Variants in OSBPL11 observed in about 807,000 individuals in gnomAD.
OSBPL11 encodes oxysterol-binding protein-related protein 11.
Under a neutral mutation model 84.4 loss-of-function variants are expected in OSBPL11, and 33 were observed. The observed-to-expected ratio is 0.39, with a 90% CI of 0.30 to 0.52. The LOEUF (loss-of-function observed/expected upper bound fraction) is 0.52. Ranked by LOEUF, OSBPL11 falls within the 20% of genes least tolerant of loss-of-function variation. The pLI, the probability that OSBPL11 is intolerant of heterozygous loss-of-function variation, is 0.72. For missense variants in OSBPL11, 736 were observed against 901.1 expected (o/e 0.82, Z 2.35); for synonymous variants, 276 against 310.2 (o/e 0.89, Z 1.16).
chr3:125,544,445 T>A (rs1935781262), intron 10 of OSBPL11, among the ~76,000 whole-genome samples: 1 of 152,186 alleles, frequency 6.6e-6, no homozygotes, highest in African/African-American at 2.4e-5. Flanking sequence ...CAAAGTTAAA[T>A]ATTCAAAAAT....
At chr3:125,576,079 G>T in intron 5 of OSBPL11, 110 bp downstream of exon 5, 1 of 932,684 alleles carries the variant, frequency 1.1e-6, no homozygotes, top group Non-Finnish European at 1.6e-6. Context: ...TACTAGATAG[G>T]AAACAATGAA....
chr3:125,531,980 C>G lies in OSBPL11; in HGVS notation c.2059G>C (p.Glu687Gln). The change falls in exon 12 of 13, where the codon GAA becomes CAA. Residue 687 changes from glutamate (E) to glutamine (Q), a missense_variant. Glu to Gln is a conservative substitution (Grantham distance 29, BLOSUM62 2). Coordinates refer to ENST00000296220, the MANE Select transcript of OSBPL11 (RefSeq NM_022776.5). ...TCTGTGGCCTTATCAATTTCAGATT[C>G]TCTCAGCGAGTCTGTCACATTTTTC... ...LWKNVTDSLR[E>Q]SEIDKATEHK... 2.5e-6 allele frequency: 4 copies of G among 1,610,634 alleles called. No homozygotes were observed. Among genetic ancestry groups the G allele is most frequent in the Non-Finnish European group, 3.4e-6 (4 of 1,179,218 alleles).
At chr3:125,583,426 C>T (rs1936458226) in intron 1 of OSBPL11, among the ~76,000 whole-genome samples, 1 of 151,142 alleles carries the variant, frequency 6.6e-6, no homozygotes, top group Non-Finnish European at 1.5e-5. Context: ...ACTAAAAATA[C>T]AAAAATTCAT....
intron 10 of OSBPL11, among the ~76,000 whole-genome samples, chr3:125,546,599 G>T (rs1190536433): frequency 6.6e-6 from 1 of 152,106 alleles, no homozygotes; most frequent in African/African-American, 2.4e-5. Flanking sequence ...AATCACATGT[G>T]ACTAAGAAAT....
At position 125,578,197 on chromosome 3, in the gene OSBPL11, A is replaced by T. The variant is rs56902270; in HGVS notation, c.489+763T>A. Reference sequence around the variant, plus strand: ...AAATATTACTCAGTCTTAAAAAAGGAATAAACGAATAAAGTACTGATACAT... The same window carrying T: ...AAATATTACTCAGTCTTAAAAAAGGTATAAACGAATAAAGTACTGATACAT... On this transcript the variant is annotated intron_variant, in intron 4 of 12. Transcript: ENST00000296220. 9.0e-3 allele frequency among the ~76,000 whole-genome samples: 1,366 copies of T among 152,316 alleles called. 14 individuals are homozygous for T. Among genetic ancestry groups the T allele is most frequent in the African/African-American group, 0.031 (1,272 of 41,562 alleles).
rs1936655964 is a variant in OSBPL11, at chr3:125,594,802, T to C, written c.-2A>G. On this transcript the variant is annotated 5_prime_UTR_variant, in exon 1 of 13. Coordinates refer to ENST00000296220, the MANE Select transcript of OSBPL11 (RefSeq NM_022776.5). The stretch of plus-strand genomic sequence containing the variant: ...GGACACTGGTTCACCCCCCTGCATC[T>C]TAACGCCAAAGTCCACTTGCCCTTC... The C allele has an allele frequency of 4.3e-6, 7 of 1,613,158 alleles. No homozygotes were observed. Among genetic ancestry groups the C allele is most frequent in the Non-Finnish European group, 8.5e-7 (1 of 1,179,432 alleles).
chr3:125,530,659 A>G, intron 12 of OSBPL11, 79 bp from the exon 13 acceptor site: 1 of 1,106,274 alleles, frequency 9.0e-7, no homozygotes, highest in Non-Finnish European at 1.4e-6. Context: ...CAACACCTTC[A>G]CTGAAATGGA....
intron 5 of OSBPL11, among the ~76,000 whole-genome samples, chr3:125,575,361 A>G (rs1201208807): frequency 6.6e-6 from 1 of 151,996 alleles, no homozygotes; most frequent in African/African-American, 2.4e-5. Flanking sequence ...CTATATATAC[A>G]TATATCAGTT....
intron 1 of OSBPL11, among the ~76,000 whole-genome samples, chr3:125,587,976 C>T (rs1028567437): frequency 6.6e-6 from 1 of 152,124 alleles, no homozygotes; most frequent in African/African-American, 2.4e-5. Context: ...AATCCCAGCA[C>T]TTTGGGAGGC....
intron 9 of OSBPL11, among the ~76,000 whole-genome samples, chr3:125,548,048 T>C (rs1318560493): frequency 6.6e-6 from 1 of 152,114 alleles, no homozygotes; most frequent in Non-Finnish European, 1.5e-5. Flanking sequence ...AGCTAATTTT[T>C]TTGTATTTTT....
intron 5 of OSBPL11, among the ~76,000 whole-genome samples, chr3:125,574,543 T>A (rs933449146): frequency 6.7e-6 from 1 of 149,916 alleles, no homozygotes; most frequent in African/African-American, 2.5e-5. Flanking sequence ...AGAAAGAAAC[T>A]ATGGAGATTC....
At chr3:125,552,052 G>A (rs556756770) in intron 9 of OSBPL11, 129 bp downstream of exon 9, 36 of 444,696 alleles carry the variant, frequency 8.1e-5, no homozygotes, top group South Asian at 1.1e-4. Flanking sequence ...TCTCCCAAGC[G>A]AACTTTCCTT....
chr3:125,551,164 TAAAAAAAA>T (rs1250361844), intron 9 of OSBPL11, among the ~76,000 whole-genome samples: 1 of 94,052 alleles, frequency 1.1e-5, no homozygotes, highest in South Asian at 3.4e-4. Flanking sequence ...ACCCTGTTTC[TAAAAAAAA>T]AAAAAAAAAA....
intron 5 of OSBPL11, among the ~76,000 whole-genome samples, chr3:125,573,483 G>T (rs1406013533): frequency 6.6e-6 from 1 of 152,180 alleles, no homozygotes; most frequent in African/African-American, 2.4e-5. Context: ...ATAAGAAAGA[G>T]TAAATAGGAA....
rs1936546738 is a variant in OSBPL11 at position 125,588,298 on chromosome 3, T to A, written c.165-5320A>T. 2.0e-5 allele frequency among the ~76,000 whole-genome samples: 3 copies of A among 151,692 alleles called. No homozygotes were observed. The South Asian group carries it at 6.2e-4, about 31-fold the overall frequency. On this transcript the variant is annotated intron_variant, in intron 1 of 12. Coordinates refer to ENST00000296220, the MANE Select transcript of OSBPL11 (RefSeq NM_022776.5). Reference sequence around the variant, plus strand: ...TATGACAAAGACTGAGAAGACTCATTAGACTTAAAACCCAGAGATAACAGT... The same window carrying A: ...TATGACAAAGACTGAGAAGACTCATAAGACTTAAAACCCAGAGATAACAGT...
rs867216620 is a variant in OSBPL11 at position 125,582,077 on chromosome 3, G to A, written c.233+833C>T. Among the ~76,000 whole-genome samples the A allele has an allele frequency of 1.4e-4, 22 of 152,166 alleles. 1 individual carries two copies. The highest frequency in any genetic ancestry group is 3.2e-3 in the Middle Eastern group (1 of 316). On this transcript the variant is annotated intron_variant, in intron 2 of 12. Transcript: ENST00000296220. The stretch of plus-strand genomic sequence containing the variant: ...TGGCCAGGTGTGGTGGCTCACGCCT[G>A]TGATCCCTGCACTTTGGGAGGCCAA...
intron 10 of OSBPL11, among the ~76,000 whole-genome samples, chr3:125,546,182 T>C (rs1417088585): frequency 6.7e-6 from 1 of 150,366 alleles, no homozygotes; most frequent in Non-Finnish European, 1.5e-5. Flanking sequence ...TGTGTGTTTT[T>C]TTTTTTTTTG....
chr3:125,550,092 A>G (rs1935877884), intron 9 of OSBPL11, among the ~76,000 whole-genome samples: 1 of 152,190 alleles, frequency 6.6e-6, no homozygotes. Flanking sequence ...GAATGATTTC[A>G]GCTGGGTGTA....
At chr3:125,588,333 T>C (rs1042105446) in intron 1 of OSBPL11, among the ~76,000 whole-genome samples, 1 of 151,590 alleles carries the variant, frequency 6.6e-6, no homozygotes, top group African/African-American at 2.4e-5. Flanking sequence ...TTTAATGGAA[T>C]GATGAGGGCA....
Sources: allele counts gnomAD v4.1 joint callset (sites outside exome capture counted in the v4.1 genomes callset), GRCh38; gene constraint gnomAD v4.1.1; transcripts MANE v1.5; gene names NCBI Gene and HGNC (gene_info 2026-07-23, HGNC 2026-07-21).